Variants in FRMD3 observed in about 807,000 individuals in gnomAD.
FRMD3 encodes FERM domain-containing protein 3.
In FRMD3, 33 loss-of-function variants were observed where a neutral mutation model predicts 70.2. The observed-to-expected ratio is 0.47, with a 90% CI of 0.36 to 0.63. The LOEUF (loss-of-function observed/expected upper bound fraction) is 0.63. FRMD3 is among the 20% of genes least tolerant of loss of function. The pLI is 0.00. For synonymous variants in FRMD3, 279 were observed against 255.9 expected (o/e 1.09, Z -0.86); for missense variants, 632 against 711.4 (o/e 0.89, Z 1.27).
intron 3 of FRMD3, among the ~76,000 whole-genome samples, chr9:83,367,592 A>G (rs1042755318): frequency 1.3e-5 from 2 of 152,368 alleles, no homozygotes; most frequent in Admixed American, 1.3e-4. Flanking sequence ...GGAAGTGAGC[A>G]TCAGCTCCTA....
At chr9:83,416,751 C>CTG (rs1177598612) in intron 1 of FRMD3, among the ~76,000 whole-genome samples, 1,139 of 102,106 alleles carry the variant, frequency 0.011, 19 homozygotes, top group African/African-American at 0.047. Context: ...CTCTGTCTCT[C>CTG]TCTCTCTCTC....
At chr9:83,346,573 C>T (rs909008904) in intron 4 of FRMD3, among the ~76,000 whole-genome samples, 28 of 152,272 alleles carry the variant, frequency 1.8e-4, no homozygotes, top group African/African-American at 6.7e-4. Flanking sequence ...CACTTGGGTG[C>T]AAAATTTCCT....
chr9:83,558,899 G>C, the FRMD3 span, among the ~76,000 whole-genome samples: 1 of 152,194 alleles, frequency 6.6e-6, no homozygotes, highest in Non-Finnish European at 1.5e-5. Flanking sequence ...ATCAGAAGTG[G>C]AGCCTGGACA....
intron 6 of FRMD3, among the ~76,000 whole-genome samples, chr9:83,317,943 A>G (rs1313897538): frequency 6.6e-6 from 1 of 152,204 alleles, no homozygotes; most frequent in Non-Finnish European, 1.5e-5. Flanking sequence ...GTAAATCAAT[A>G]AAGAGCAACA....
At chr9:83,479,286 A>AAAGAAGAAG (rs3084910) in intron 1 of FRMD3, among the ~76,000 whole-genome samples, 3 of 144,950 alleles carry the variant, frequency 2.1e-5, no homozygotes, top group Non-Finnish European at 3.0e-5. Flanking sequence ...TGTGTCTCTA[A>AAAGAAGAAG]AAGAAGAAGA....
At chr9:83,351,148 C>G (rs992869923) in intron 3 of FRMD3, 24 of 166,212 alleles carry the variant, frequency 1.4e-4, no homozygotes, top group African/African-American at 5.3e-4. Flanking sequence ...GTCTGGACTA[C>G]TCCAGATGTA....
intron 2 of FRMD3, among the ~76,000 whole-genome samples, chr9:83,386,939 A>G (rs1264802604): frequency 6.6e-6 from 1 of 152,168 alleles, no homozygotes; most frequent in Non-Finnish European, 1.5e-5. Context: ...CACAGAGATG[A>G]TGTGTACTTC....
Position 83,538,005 on chromosome 9 carries a change from T to C in FRMD3, c.147+80A>G, listed in dbSNP as rs1251328729. The C allele has an allele frequency of 1.1e-5, 17 of 1,513,216 alleles. No individual in the cohort carries two copies. Among genetic ancestry groups the C allele is most frequent in the Non-Finnish European group, 1.3e-5 (14 of 1,108,096 alleles). 93.7% of individuals were successfully genotyped at this position (1,513,216 alleles called of 1,614,324 possible). ...CAATCCCCTCCGGGAGTGGGTTCCT[T>C]GTTCTCGCATGCCCACCGCAAAGGC... On this transcript the variant is annotated intron_variant, in intron 1 of 13. Coordinates refer to ENST00000304195, the MANE Select transcript of FRMD3 (RefSeq NM_174938.6). The surrounding 1 kb of genome is among the most constrained non-coding windows in gnomAD (Gnocchi z 4.7).
intron 1 of FRMD3, chr9:83,467,570 A>C: frequency 8.7e-7 from 1 of 1,150,924 alleles, no homozygotes; most frequent in South Asian, 1.3e-5. Context: ...CATTATGTTA[A>C]ATAAAAGCGT....
At chr9:83,561,723 T>C in the FRMD3 span, among the ~76,000 whole-genome samples, 1 of 152,164 alleles carries the variant, frequency 6.6e-6, no homozygotes. Flanking sequence ...ATGATTCACA[T>C]CACTTAATAA....
At chr9:83,370,679 A>C (rs1824942131) in intron 3 of FRMD3, among the ~76,000 whole-genome samples, 1 of 152,220 alleles carries the variant, frequency 6.6e-6, no homozygotes, top group South Asian at 2.1e-4. Context: ...TGGGAGGCAG[A>C]GGCAGGCAGA....
chr9:83,252,394 C>T (rs986797072), intron 13 of FRMD3, among the ~76,000 whole-genome samples: 1 of 152,190 alleles, frequency 6.6e-6, no homozygotes, highest in African/African-American at 2.4e-5. Flanking sequence ...AAAGGAAAAA[C>T]CATTTCCAGC....
intron 1 of FRMD3, among the ~76,000 whole-genome samples, chr9:83,518,683 G>A (rs1354116269): frequency 1.3e-5 from 2 of 150,628 alleles, no homozygotes; most frequent in East Asian, 3.9e-4. Flanking sequence ...GCATAGTTAA[G>A]ACAATTCTAA....
the FRMD3 span, among the ~76,000 whole-genome samples, chr9:83,578,635 T>TA: frequency 6.6e-6 from 1 of 151,734 alleles, no homozygotes; most frequent in Non-Finnish European, 1.5e-5. Context: ...TCTTTCATGG[T>TA]AAAAAAACAG....
chr9:83,358,748 T>C (rs1824488591), intron 3 of FRMD3, among the ~76,000 whole-genome samples: 1 of 152,000 alleles, frequency 6.6e-6, no homozygotes, highest in Non-Finnish European at 1.5e-5. Context: ...TTCTTGATTT[T>C]ATTCTCAGCT....
At chr9:83,400,371 C>T (rs1825920230) in intron 1 of FRMD3, among the ~76,000 whole-genome samples, 1 of 152,042 alleles carries the variant, frequency 6.6e-6, no homozygotes, top group African/African-American at 2.4e-5. Flanking sequence ...AGGAAAACTA[C>T]CAAAATTTGG....
intron 1 of FRMD3, among the ~76,000 whole-genome samples, chr9:83,457,269 C>G (rs1827844753): frequency 6.6e-6 from 1 of 152,190 alleles, no homozygotes; most frequent in African/African-American, 2.4e-5. Context: ...AGTTCAACTA[C>G]TCAGAAATAT....
intron 1 of FRMD3, among the ~76,000 whole-genome samples, chr9:83,499,003 A>G (rs1005321895): frequency 6.6e-6 from 1 of 152,172 alleles, no homozygotes; most frequent in African/African-American, 2.4e-5. Context: ...CTAACGTGGC[A>G]ATATCCTTGT....
chr9:83,493,910 A>C (rs1384811712), intron 1 of FRMD3, among the ~76,000 whole-genome samples: 1 of 152,140 alleles, frequency 6.6e-6, no homozygotes, highest in African/African-American at 2.4e-5. Flanking sequence ...TGTGGAGCAC[A>C]TGCTGTGATG....
Sources: allele counts gnomAD v4.1 joint callset (sites outside exome capture counted in the v4.1 genomes callset), GRCh38; gene constraint gnomAD v4.1.1; non-coding constraint Gnocchi (gnomAD v3.1); transcripts MANE v1.5; gene names NCBI Gene and HGNC (gene_info 2026-07-23, HGNC 2026-07-21).